The following FAM227B variants were observed in gnomAD, a reference collection of about 807,000 sequenced individuals.
FAM227B encodes the protein family with sequence similarity 227 member B, also known as protein FAM227B.
Under a neutral mutation model 73.8 loss-of-function variants are expected in FAM227B, and 88 were observed. The observed-to-expected ratio is 1.19, with a 90% CI of 1.00 to 1.42. The LOEUF (loss-of-function observed/expected upper bound fraction) is 1.42. Among genes scored for constraint, FAM227B ranks in the 40% most tolerant of loss-of-function variants. The probability of loss-of-function intolerance (pLI) is 0.00; values close to 1 mark genes in which losing one functional copy is unlikely to be tolerated. For synonymous variants in FAM227B, 210 were observed against 190.5 expected (o/e 1.10, Z -0.84); for missense variants, 632 against 590.9 (o/e 1.07, Z -0.72).
chr15:49,348,079 G>A (rs1326519013), intron 13 of FAM227B, among the ~76,000 whole-genome samples: 1 of 148,856 alleles, frequency 6.7e-6, no homozygotes, highest in East Asian at 2.0e-4. Context: ...CAAATGATCA[G>A]CTTTAGTTAT....
chr15:49,558,470 C>T (rs991698664), intron 9 of FAM227B, among the ~76,000 whole-genome samples: 1 of 152,184 alleles, frequency 6.6e-6, no homozygotes, highest in African/African-American at 2.4e-5. Context: ...ATCTTCCCCT[C>T]CTCAGTGAAA....
chr15:49,598,687 TTTC>T (rs148311352), intron 3 of FAM227B, among the ~76,000 whole-genome samples: 4,325 of 152,132 alleles, frequency 0.028, 214 homozygotes, highest in African/African-American at 0.1. Flanking sequence ...TAACATGCTT[TTTC>T]TTCATCTGTT....
intron 13 of FAM227B, chr15:49,366,041 A>G (rs1263912218): frequency 4.2e-5 from 34 of 810,056 alleles, no homozygotes; most frequent in Middle Eastern, 3.5e-4. Flanking sequence ...AAAGTTAGAT[A>G]TTCTTCCTTT....
chr15:49,476,960 T>C (rs2151991598), intron 11 of FAM227B, among the ~76,000 whole-genome samples: 1 of 151,282 alleles, frequency 6.6e-6, no homozygotes, highest in Non-Finnish European at 1.5e-5. Context: ...CTCGGGAGGC[T>C]GAGGCAGGGA....
chr15:49,619,268 A>G (rs1567720579), intron 1 of FAM227B, among the ~76,000 whole-genome samples: 1 of 152,210 alleles, frequency 6.6e-6, no homozygotes, highest in Non-Finnish European at 1.5e-5. Context: ...ATCTTTGCCA[A>G]TCCTTTGAGA....
At chr15:49,562,991 TAGCCAG>T (rs2074375663) in intron 9 of FAM227B, among the ~76,000 whole-genome samples, 1 of 152,094 alleles carries the variant, frequency 6.6e-6, no homozygotes, top group South Asian at 2.1e-4. Context: ...CTGGAAGTCC[TAGCCAG>T]AGCAATCAGG....
At chr15:49,607,245 CT>C (rs1427604263) in intron 3 of FAM227B, among the ~76,000 whole-genome samples, 1 of 152,010 alleles carries the variant, frequency 6.6e-6, no homozygotes, top group Non-Finnish European at 1.5e-5. Context: ...AAAGGTCCCC[CT>C]GTCATTTTGA....
chr15:49,414,413 G>A (rs978379629), intron 11 of FAM227B, among the ~76,000 whole-genome samples: 2 of 151,482 alleles, frequency 1.3e-5, no homozygotes, highest in African/African-American at 4.9e-5. Context: ...GAGGGAGGGG[G>A]GAAATCTCCC....
chr15:49,595,901 C>G (rs566952537), intron 3 of FAM227B, among the ~76,000 whole-genome samples: 23 of 151,934 alleles, frequency 1.5e-4, no homozygotes, highest in African/African-American at 5.5e-4. Context: ...TAAATTGACC[C>G]AGTCCAACAA....
intron 11 of FAM227B, among the ~76,000 whole-genome samples, chr15:49,395,161 T>C (rs1383884950): frequency 6.6e-6 from 1 of 152,216 alleles, no homozygotes; most frequent in Non-Finnish European, 1.5e-5. Flanking sequence ...TTATTCTATA[T>C]GAATATTACC....
chr15:49,483,093 G>A (rs1355224349), intron 11 of FAM227B: 11 of 931,590 alleles, frequency 1.2e-5, no homozygotes, highest in Admixed American at 1.7e-5. Context: ...ATGGCCATTC[G>A]TGGATCATTT....
At chr15:49,548,313 G>A (rs1420479016) in intron 9 of FAM227B, among the ~76,000 whole-genome samples, 4 of 152,060 alleles carry the variant, frequency 2.6e-5, no homozygotes, top group Admixed American at 1.3e-4. Flanking sequence ...TTAATACAAT[G>A]TATTACATTG....
intron 11 of FAM227B, among the ~76,000 whole-genome samples, chr15:49,421,701 A>G (rs3809495): frequency 0.024 from 3,596 of 152,302 alleles, 92 homozygotes; most frequent in South Asian, 0.13. Context: ...CTTACTATTG[A>G]TAACTTTTAT....
At chr15:49,457,958 A>G (rs2053463140) in intron 11 of FAM227B, among the ~76,000 whole-genome samples, 1 of 151,950 alleles carries the variant, frequency 6.6e-6, no homozygotes, top group African/African-American at 2.4e-5. Flanking sequence ...GATGTTATTT[A>G]TCTTTCGTTA....
chr15:49,618,298 G>GT (rs1278546713), intron 1 of FAM227B, among the ~76,000 whole-genome samples: 2 of 152,138 alleles, frequency 1.3e-5, no homozygotes, highest in Admixed American at 1.3e-4. Context: ...CAGGAGAGCA[G>GT]TATTATGTTG....
chr15:49,338,319 C>T (rs2040117527), intron 13 of FAM227B, among the ~76,000 whole-genome samples: 1 of 152,134 alleles, frequency 6.6e-6, no homozygotes, highest in African/African-American at 2.4e-5. Flanking sequence ...GAGGGCAGGC[C>T]TGGTGGTGAC....
intron 1 of FAM227B, 110 bp from the exon 2 acceptor site, chr15:49,615,353 C>T (rs186339937): frequency 5.5e-4 from 336 of 614,662 alleles, no homozygotes; most frequent in Non-Finnish European, 8.6e-4. Context: ...GATAGTTTGG[C>T]TCTGTATCTC....
At chr15:49,571,167 GACT>G (rs1236838131) in intron 8 of FAM227B, among the ~76,000 whole-genome samples, 1 of 151,594 alleles carries the variant, frequency 6.6e-6, no homozygotes, top group Non-Finnish European at 1.5e-5. Flanking sequence ...TTTCCAAAAT[GACT>G]ACTAATTTAC....
rs757128514 is a variant in FAM227B at position 49,422,145 on chromosome 15, A to AGAGAGAGAGAGAGAGTGAGT, written c.1013-50747_1013-50746insACTCACTCTCTCTCTCTCTC. On this transcript the variant is annotated intron_variant, in intron 11 of 15. Coordinates refer to ENST00000299338, the MANE Select transcript of FAM227B (RefSeq NM_152647.3). ...TAGAGAGAGAGAGAGAGAGAGAGAGAGTGTGTGTGTGTGTGTGTGCGCGCG... is the reference window on the plus strand; with the variant it reads ...TAGAGAGAGAGAGAGAGAGAGAGAGAGAGAGAGAGAGAGAGTGAGTGTGTGTGTGTGTGTGTGTGCGCGCG... Among the ~76,000 whole-genome samples the AGAGAGAGAGAGAGAGTGAGT allele has an allele frequency of 5.0e-5, 7 of 139,820 alleles. No individual in the cohort carries two copies. The South Asian group carries it at 1.1e-3, about 22-fold the overall frequency. 91.7% of individuals were successfully genotyped at this position (139,820 alleles called of 152,430 possible).
Sources: allele counts gnomAD v4.1 joint callset (sites outside exome capture counted in the v4.1 genomes callset), GRCh38; gene constraint gnomAD v4.1.1; transcripts MANE v1.5; gene names NCBI Gene and HGNC (gene_info 2026-07-23, HGNC 2026-07-21).